Variants in DHRSX observed in about 807,000 individuals in gnomAD.
The protein encoded by DHRSX is polyprenol dehydrogenase.
A neutral mutation model predicts 34.0 loss-of-function variants in DHRSX; 31 were observed. The observed-to-expected ratio is 0.91, with a 90% CI of 0.69 to 1.23. The LOEUF (loss-of-function observed/expected upper bound fraction) is 1.23. Among genes scored for constraint, DHRSX ranks in the 50% most tolerant of loss-of-function variants. The pLI is 0.00. For missense variants in DHRSX, 414 were observed against 428.1 expected, an observed-to-expected ratio of 0.97 and a Z score of 0.29; for synonymous variants, 201 against 183.8, an observed-to-expected ratio of 1.09 and a Z score of -0.76.
intron 3 of DHRSX, among the ~76,000 whole-genome samples, chrX:2,303,628 A>G (rs1484196566): frequency 3.3e-5 from 5 of 152,182 alleles, no homozygotes; most frequent in African/African-American, 1.2e-4. Context: ...AATCTCAGGT[A>G]CTTCTTTATA....
At chrX:2,465,255 G>A (rs1231115962) in intron 1 of DHRSX, among the ~76,000 whole-genome samples, 4 of 152,086 alleles carry the variant, frequency 2.6e-5, no homozygotes, top group African/African-American at 7.2e-5. Flanking sequence ...TCTTCAGGGC[G>A]CCTCCATGAC....
At chrX:2,470,708 A>C (rs1212579132) in intron 1 of DHRSX, among the ~76,000 whole-genome samples, 1 of 152,224 alleles carries the variant, frequency 6.6e-6, no homozygotes, top group African/African-American at 2.4e-5. Flanking sequence ...TGTCTCAAAA[A>C]ACATATAAAT....
intron 1 of DHRSX, among the ~76,000 whole-genome samples, chrX:2,447,936 C>T (rs1447042328): frequency 6.7e-5 from 10 of 150,156 alleles, no homozygotes; most frequent in South Asian, 2.1e-4. Flanking sequence ...GGCTTATGTC[C>T]GGAATCACAA....
At chrX:2,371,196 G>A (rs1569494669) in intron 3 of DHRSX, among the ~76,000 whole-genome samples, 1 of 126,606 alleles carries the variant, frequency 7.9e-6, no homozygotes. Context: ...ACCCTCCTCC[G>A]TTACCACAGT....
chrX:2,358,176 C>G (rs1278580831), intron 3 of DHRSX, among the ~76,000 whole-genome samples: 4 of 152,284 alleles, frequency 2.6e-5, no homozygotes, highest in African/African-American at 9.6e-5. Flanking sequence ...TTTCAAAGAG[C>G]TTCTGCACAG....
At chrX:2,327,828 C>G (rs1308434561) in intron 3 of DHRSX, among the ~76,000 whole-genome samples, 1 of 152,024 alleles carries the variant, frequency 6.6e-6, no homozygotes, top group Non-Finnish European at 1.5e-5. Flanking sequence ...CGCCTGTAAT[C>G]CCAGTACTTT....
intron 1 of DHRSX, among the ~76,000 whole-genome samples, chrX:2,476,765 A>G (rs946734669): frequency 6.6e-6 from 1 of 152,180 alleles, no homozygotes; most frequent in Admixed American, 6.5e-5. Flanking sequence ...GCATTTTGGG[A>G]GGCCAAAGCA....
At chrX:2,405,467 G>C (rs2043541346) in intron 3 of DHRSX, among the ~76,000 whole-genome samples, 1 of 150,278 alleles carries the variant, frequency 6.7e-6, no homozygotes, top group Admixed American at 6.6e-5. Flanking sequence ...CAGCCTGGGT[G>C]ATAGAGTGAG....
At chrX:2,402,072 C>T (rs2043493074) in intron 3 of DHRSX, among the ~76,000 whole-genome samples, 1 of 152,102 alleles carries the variant, frequency 6.6e-6, no homozygotes, top group African/African-American at 2.4e-5. Context: ...GAATTGAGAG[C>T]AGGAAAGGCA....
At chrX:2,367,568 A>G (rs977726056) in intron 3 of DHRSX, among the ~76,000 whole-genome samples, 1 of 152,356 alleles carries the variant, frequency 6.6e-6, no homozygotes, top group East Asian at 1.9e-4. Flanking sequence ...AGAGAAAATA[A>G]ACAAGGACAA....
chrX:2,249,614 C>T (rs960431411), intron 5 of DHRSX, among the ~76,000 whole-genome samples: 2 of 147,898 alleles, frequency 1.4e-5, no homozygotes, highest in Non-Finnish European at 3.0e-5. Flanking sequence ...ACCTCCACCT[C>T]CCGGGTTCAA....
At chrX:2,482,040 T>C (rs2044781098) in intron 1 of DHRSX, among the ~76,000 whole-genome samples, 2 of 150,922 alleles carry the variant, frequency 1.3e-5, no homozygotes. Flanking sequence ...TCGTAGTTTA[T>C]GGCAGCCTCA....
At chrX:2,311,118 A>G (rs949996672) in intron 3 of DHRSX, among the ~76,000 whole-genome samples, 2 of 151,506 alleles carry the variant, frequency 1.3e-5, no homozygotes, top group African/African-American at 4.9e-5. Context: ...AGAGACAGAG[A>G]GAATAAGCGA....
intron 1 of DHRSX, among the ~76,000 whole-genome samples, chrX:2,454,499 C>T (rs1008876969): frequency 1.3e-5 from 2 of 148,508 alleles, no homozygotes; most frequent in African/African-American, 5.1e-5. Context: ...TGCACTCCGG[C>T]CTGGGCAACA....
chrX:2,459,309 T>C (rs2044361268), intron 1 of DHRSX, among the ~76,000 whole-genome samples: 1 of 151,732 alleles, frequency 6.6e-6, no homozygotes, highest in Non-Finnish European at 1.5e-5. Flanking sequence ...AGTGAGGTGA[T>C]ATAGGTTAGA....
chrX:2,372,400 A>G (rs1255343725), intron 3 of DHRSX, among the ~76,000 whole-genome samples: 1 of 152,098 alleles, frequency 6.6e-6, no homozygotes, highest in Non-Finnish European at 1.5e-5. Context: ...TGTCTATCAC[A>G]CGAACCGCTG....
intron 3 of DHRSX, among the ~76,000 whole-genome samples, chrX:2,295,890 C>G (rs1270804444): frequency 6.6e-6 from 1 of 152,122 alleles, no homozygotes; most frequent in Non-Finnish European, 1.5e-5. Flanking sequence ...ATTTTCTCAT[C>G]GAAGACCATA....
Position 2,380,889 on chromosome X carries a change from G to A in DHRSX, c.286+27856C>T, listed in dbSNP as rs535943226. 8.6e-4 allele frequency among the ~76,000 whole-genome samples: 131 copies of A among 152,178 alleles called. 5 individuals are homozygous for A. The highest frequency in any genetic ancestry group is 3.1e-3 in the African/African-American group (127 of 41,536). ...TTTGTTTTGTTTTGTTTTTTGAGAC[G>A]GAGTCTCACACAGTCGCCAGGCTGG... On this transcript the variant is annotated intron_variant, in intron 3 of 6. Coordinates refer to ENST00000334651, the MANE Select transcript of DHRSX (RefSeq NM_145177.3).
At chrX:2,290,018 C>T (rs1454343654) in intron 4 of DHRSX, among the ~76,000 whole-genome samples, 3 of 152,176 alleles carry the variant, frequency 2.0e-5, no homozygotes, top group East Asian at 1.9e-4. Flanking sequence ...TATGTCTGCA[C>T]GTATTTTTAT....
Sources: gnomAD v4.1 joint callset for allele counts (sites outside exome capture counted in the v4.1 genomes callset) on GRCh38, gnomAD v4.1.1 for gene constraint, MANE v1.5 for transcripts, NCBI Gene and HGNC (gene_info 2026-07-23, HGNC 2026-07-21) for gene names.